The following LRFN5 variants were observed in gnomAD, a reference collection of about 807,000 sequenced individuals.
LRFN5 encodes leucine rich repeat and fibronectin type III domain containing 5.
In LRFN5, 24 loss-of-function variants were observed where a neutral mutation model predicts 45.6. The observed-to-expected ratio is 0.53, with a 90% CI of 0.38 to 0.74. LRFN5 has a LOEUF of 0.74. LRFN5 is among the 30% of genes least tolerant of loss of function. The probability of loss-of-function intolerance (pLI) is 0.00; values close to 1 mark genes in which losing one functional copy is unlikely to be tolerated. For missense variants in LRFN5, 776 were observed against 861.5 expected (o/e 0.90, Z 1.24); for synonymous variants, 340 against 313.8 (o/e 1.08, Z -0.88).
intron 2 of LRFN5, among the ~76,000 whole-genome samples, chr14:41,779,273 G>A (rs993164342): frequency 6.6e-6 from 1 of 151,628 alleles, no homozygotes; most frequent in African/African-American, 2.4e-5. Flanking sequence ...TTTTGCTTTA[G>A]CTTGTGATGG....
intron 2 of LRFN5, among the ~76,000 whole-genome samples, chr14:41,816,320 T>C (rs1170031409): frequency 6.6e-6 from 1 of 152,134 alleles, no homozygotes; most frequent in Non-Finnish European, 1.5e-5. Flanking sequence ...AAGTTATCTG[T>C]TAGATCAATT....
chr14:41,750,062 A>C (rs565019965), intron 1 of LRFN5, among the ~76,000 whole-genome samples: 1 of 152,088 alleles, frequency 6.6e-6, no homozygotes. Context: ...ATTCATTTTG[A>C]TATGATGAGA....
At chr14:41,827,956 T>G (rs1002422628) in intron 2 of LRFN5, among the ~76,000 whole-genome samples, 1 of 152,066 alleles carries the variant, frequency 6.6e-6, no homozygotes, top group Non-Finnish European at 1.5e-5. Context: ...AAGTTTCAAC[T>G]ATTACCCTTC....
rs187335382 is a variant in LRFN5, at chr14:41,622,605, C to A, written c.-197+14043C>A. Among the ~76,000 whole-genome samples, 316 of 151,966 alleles carry A rather than the reference C, an allele frequency of 2.1e-3. 2 individuals are homozygous for A. In the East Asian group the frequency reaches 0.033, roughly 16 times the overall value. On this transcript the variant is annotated intron_variant, in intron 1 of 5. Coordinates refer to ENST00000298119, the MANE Select transcript of LRFN5 (RefSeq NM_152447.5). ...AAGAAGTTTACAAATAAACAAGCTACAAGGTTGTGGAAATATAATCATCTT... is the reference window on the plus strand; with the variant it reads ...AAGAAGTTTACAAATAAACAAGCTAAAAGGTTGTGGAAATATAATCATCTT...
chr14:41,727,371 A>T (rs1312363379), intron 1 of LRFN5, among the ~76,000 whole-genome samples: 1 of 152,130 alleles, frequency 6.6e-6, no homozygotes, highest in Non-Finnish European at 1.5e-5. Context: ...TAGCAGGCAG[A>T]GGCAGGAGGC....
chr14:41,649,334 TTAA>T (rs1369895039), intron 1 of LRFN5, among the ~76,000 whole-genome samples: 1 of 152,060 alleles, frequency 6.6e-6, no homozygotes, highest in African/African-American at 2.4e-5. Context: ...GATAAATTGT[TTAA>T]TAATTAATAT....
intron 2 of LRFN5, among the ~76,000 whole-genome samples, chr14:41,789,184 C>T (rs1242919811): frequency 6.6e-6 from 1 of 151,912 alleles, no homozygotes; most frequent in African/African-American, 2.4e-5. Context: ...AGTGGTAAGT[C>T]AAATATTTTC....
intron 1 of LRFN5, among the ~76,000 whole-genome samples, chr14:41,677,286 G>A (rs74045194): frequency 0.024 from 3,581 of 152,078 alleles, 126 homozygotes; most frequent in African/African-American, 0.082. Flanking sequence ...AATAACGAGA[G>A]TCACTACAAT....
chr14:41,639,389 T>C lies in LRFN5; in HGVS notation c.-197+30827T>C, dbSNP rs564846532. Among the ~76,000 whole-genome samples the C allele has an allele frequency of 3.9e-5, 6 of 152,246 alleles. No individual in the cohort carries two copies. The South Asian group carries it at 6.2e-4, about 16-fold the overall frequency. The stretch of plus-strand genomic sequence containing the variant: ...AAAAGAAGGTCATGGTTCAACTTGT[T>C]TTATCCGCAGATGAAGTGGAGGTTC... On this transcript the variant is annotated intron_variant, in intron 1 of 5. Transcript: ENST00000298119.
At chr14:41,690,297 T>G (rs1445892017) in intron 1 of LRFN5, among the ~76,000 whole-genome samples, 1 of 152,158 alleles carries the variant, frequency 6.6e-6, no homozygotes, top group African/African-American at 2.4e-5. Flanking sequence ...CCCCTGGAAT[T>G]AATCCCAGCA....
chr14:41,675,485 C>G (rs536346112), intron 1 of LRFN5, among the ~76,000 whole-genome samples: 3 of 152,128 alleles, frequency 2.0e-5, no homozygotes, highest in Non-Finnish European at 4.4e-5. Context: ...CGCCTGCAAT[C>G]GCAGGCACTC....
At chr14:41,613,078 C>A (rs1295532412) in intron 1 of LRFN5, among the ~76,000 whole-genome samples, 1 of 152,076 alleles carries the variant, frequency 6.6e-6, no homozygotes, top group South Asian at 2.1e-4. Context: ...TATAACTCTG[C>A]TGTCTATCAT....
intron 2 of LRFN5, among the ~76,000 whole-genome samples, chr14:41,844,879 T>C (rs1048983055): frequency 1.3e-5 from 2 of 152,120 alleles, no homozygotes; most frequent in East Asian, 1.9e-4. Flanking sequence ...AAATTAGAAA[T>C]ATATCAGATA....
At position 41,805,783 on chromosome 14, in the gene LRFN5, T is replaced by C. The variant is rs550418884; in HGVS notation, c.-21+38754T>C. On this transcript the variant is annotated intron_variant, in intron 2 of 5. Transcript: ENST00000298119. ...TAGAGGATACGTTAGAACAGGAAGA[T>C]GAAAGTGAAAACAAACGTAGGAGCT... Among the ~76,000 whole-genome samples, 3 of 152,282 alleles carry C rather than the reference T, an allele frequency of 2.0e-5. No individual in the cohort carries two copies. The East Asian group carries it at 5.8e-4, about 29-fold the overall frequency.
intron 2 of LRFN5, among the ~76,000 whole-genome samples, chr14:41,799,833 G>T (rs564553571): frequency 1.3e-5 from 2 of 151,862 alleles, no homozygotes; most frequent in South Asian, 4.1e-4. Flanking sequence ...ATAAATAATG[G>T]GTGGTATTTA....
In LRFN5 at chr14:41,856,675, A is replaced by ATTATTATTATTTTTTTT; in HGVS notation, c.-20-29929_-20-29928insATTATTATTTTTTTTTT. 2.8e-3 allele frequency among the ~76,000 whole-genome samples: 52 copies of ATTATTATTATTTTTTTT among 18,338 alleles called. 5 individuals carry two copies. Among genetic ancestry groups the ATTATTATTATTTTTTTT allele is most frequent in the Admixed American group, 4.8e-3 (4 of 826 alleles). The allele number at this position is 18,338 out of a possible 152,430, so 12.0% of individuals were successfully genotyped here. On this transcript the variant is annotated intron_variant, in intron 2 of 5. Coordinates refer to ENST00000298119, the MANE Select transcript of LRFN5 (RefSeq NM_152447.5). ...TTCTTTCCTAATTATTATTATTATT[A>ATTATTATTATTTTTTTT]TTTTTTTTTTTTTTTTTTTGAGACG...
chr14:41,706,092 C>T (rs1883052856), intron 1 of LRFN5, among the ~76,000 whole-genome samples: 4 of 151,970 alleles, frequency 2.6e-5, no homozygotes, highest in East Asian at 3.9e-4. Context: ...AACAAAGTTC[C>T]GGAACTTTTT....
chr14:41,675,473 C>T (rs998806488), intron 1 of LRFN5, among the ~76,000 whole-genome samples: 3 of 152,156 alleles, frequency 2.0e-5, no homozygotes, highest in Admixed American at 6.5e-5. Flanking sequence ...CGTGGCGGCG[C>T]GCGCCTGCAA....
intron 1 of LRFN5, among the ~76,000 whole-genome samples, chr14:41,735,692 A>T (rs1011968231): frequency 2.0e-5 from 3 of 152,112 alleles, no homozygotes; most frequent in African/African-American, 7.2e-5. Context: ...TGCCGTGGTG[A>T]TAAGCTGTAT....
Sources: allele counts gnomAD v4.1 joint callset (sites outside exome capture counted in the v4.1 genomes callset), GRCh38; gene constraint gnomAD v4.1.1; transcripts MANE v1.5; gene names NCBI Gene and HGNC (gene_info 2026-07-23, HGNC 2026-07-21).